TRIM9: variants seen among roughly 807,000 people sequenced by gnomAD.
TRIM9 encodes the protein E3 ubiquitin-protein ligase TRIM9.
A neutral mutation model predicts 78.3 loss-of-function variants in TRIM9; 26 were observed. That is an observed-to-expected ratio of 0.33 (90% CI 0.24 to 0.46). The LOEUF (loss-of-function observed/expected upper bound fraction) is 0.46, where lower values mean the gene tolerates loss of function less well. Ranked by LOEUF, TRIM9 falls within the 20% of genes least tolerant of loss-of-function variation. The pLI, the probability that TRIM9 is intolerant of heterozygous loss-of-function variation, is 1.00. For missense variants in TRIM9, 787 were observed against 1,036.4 expected (o/e 0.76, Z 3.30); for synonymous variants, 398 against 416.5 (o/e 0.96, Z 0.54).
At chr14:51,006,034 G>A (rs1039379811) in intron 5 of TRIM9, among the ~76,000 whole-genome samples, 7 of 152,082 alleles carry the variant, frequency 4.6e-5, no homozygotes, top group South Asian at 2.1e-4. Flanking sequence ...CAAAAACAAC[G>A]GCAACAACAA....
At chr14:50,980,347 C>T (rs759126335) in intron 11 of TRIM9, among the ~76,000 whole-genome samples, 3 of 152,104 alleles carry the variant, frequency 2.0e-5, no homozygotes, top group Non-Finnish European at 4.4e-5. Flanking sequence ...TAAAAATGGA[C>T]GATCAGATTT....
intron 1 of TRIM9, among the ~76,000 whole-genome samples, chr14:51,059,752 C>T (rs1287657959): frequency 6.7e-6 from 1 of 149,094 alleles, no homozygotes; most frequent in Non-Finnish European, 1.5e-5. Context: ...GAGCCAAGAT[C>T]GTGCCACTGC....
chr14:51,065,710 T>C (rs993615974), intron 1 of TRIM9, among the ~76,000 whole-genome samples: 18 of 152,206 alleles, frequency 1.2e-4, no homozygotes, highest in African/African-American at 4.3e-4. Context: ...CATGAGATTT[T>C]AAGACAGCAT....
chr14:51,091,607 G>A (rs917762035), intron 1 of TRIM9, among the ~76,000 whole-genome samples: 1 of 152,180 alleles, frequency 6.6e-6, no homozygotes, highest in Non-Finnish European at 1.5e-5. Flanking sequence ...TAAGGTGGGG[G>A]AGTAATGTTT....
At chr14:50,996,207 A>G (rs974927949) in intron 7 of TRIM9, 2 of 985,174 alleles carry the variant, frequency 2.0e-6, no homozygotes, top group African/African-American at 3.5e-5. Flanking sequence ...AATATATAAA[A>G]TTCATGGAGG....
At chr14:51,035,461 T>C (rs527504063) in intron 1 of TRIM9, among the ~76,000 whole-genome samples, 1 of 152,358 alleles carries the variant, frequency 6.6e-6, no homozygotes, top group African/African-American at 2.4e-5. Flanking sequence ...CTTTAATACA[T>C]ACATTTCTAA....
chr14:51,034,269 C>T (rs2058964764), intron 1 of TRIM9, among the ~76,000 whole-genome samples: 2 of 152,118 alleles, frequency 1.3e-5, no homozygotes, highest in African/African-American at 4.8e-5. Context: ...ACTCTATGTG[C>T]CAGGACCACT....
rs147245347 is a variant in TRIM9, at chr14:50,975,743, G to A, written c.*1548C>T. On this transcript the variant is annotated 3_prime_UTR_variant, in exon 13 of 13. Coordinates refer to ENST00000684578, the MANE Select transcript of TRIM9 (RefSeq NM_001387360.1). Reference sequence around the variant, plus strand: ...CTTGTTTTTTCATGGTGAATTTCTTGGCTCACTGAAAAATATTTAGACAAC... The same window carrying A: ...CTTGTTTTTTCATGGTGAATTTCTTAGCTCACTGAAAAATATTTAGACAAC... 7 of 152,474 alleles carry A rather than the reference G, an allele frequency of 4.6e-5. No individual in the cohort carries two copies. Among genetic ancestry groups the A allele is most frequent in the Admixed American group, 4.6e-4 (7 of 15,250 alleles). 9.4% of individuals were successfully genotyped at this position (152,474 alleles called of 1,614,324 possible).
chr14:51,075,847 C>A (rs2062730992), intron 1 of TRIM9, among the ~76,000 whole-genome samples: 1 of 152,138 alleles, frequency 6.6e-6, no homozygotes, highest in African/African-American at 2.4e-5. Context: ...GTAAAACCCA[C>A]TGAATGCAAA....
At chr14:51,014,047 G>GAAGTCC (rs2056879243) in intron 3 of TRIM9, among the ~76,000 whole-genome samples, 1 of 152,132 alleles carries the variant, frequency 6.6e-6, no homozygotes, top group Non-Finnish European at 1.5e-5. Flanking sequence ...CGAATAATAA[G>GAAGTCC]GACAGATCAA....
Position 51,094,316 on chromosome 14 carries a change from G to C in TRIM9, c.624C>G (p.Arg208=). The C allele has an allele frequency of 1.2e-6, 2 of 1,613,614 alleles. No individual in the cohort carries two copies. Among genetic ancestry groups the C allele is most frequent in the Non-Finnish European group, 1.7e-6 (2 of 1,179,804 alleles). ...HPPRGPLAKH[R]LVPPAQGRVS... ...CACGACCCTGGGCCGGGGGCACCAGGCGGTGCTTGGCTAGGGGCCCCCGGG... is the reference window on the plus strand; with the variant it reads ...CACGACCCTGGGCCGGGGGCACCAGCCGGTGCTTGGCTAGGGGCCCCCGGG... The change falls in exon 1 of 13, where the codon CGC becomes CGG. Residue 208 remains arginine (R), a synonymous_variant. Coordinates refer to ENST00000684578, the MANE Select transcript of TRIM9 (RefSeq NM_001387360.1).
At chr14:51,064,926 G>A (rs1213922424) in intron 1 of TRIM9, among the ~76,000 whole-genome samples, 2 of 151,902 alleles carry the variant, frequency 1.3e-5, no homozygotes, top group African/African-American at 4.8e-5. Context: ...CATAAATAAA[G>A]CTTAAGGCAC....
intron 3 of TRIM9, among the ~76,000 whole-genome samples, chr14:51,014,655 C>G (rs10137286): frequency 0.46 from 70,188 of 152,038 alleles, 16,805 homozygotes; most frequent in Middle Eastern, 0.6. Flanking sequence ...AATACTTTCT[C>G]TCTAGTTGTC....
chr14:51,010,297 C>T, intron 4 of TRIM9, 87 bp downstream of exon 4: 2 of 1,045,684 alleles, frequency 1.9e-6, no homozygotes, highest in East Asian at 2.4e-5. Context: ...CAGGCCCACC[C>T]AGGGCTGTTG....
intron 8 of TRIM9, 55 bp downstream of exon 8, chr14:50,985,901 G>C: frequency 1.5e-6 from 2 of 1,353,654 alleles, no homozygotes; most frequent in Non-Finnish European, 1.9e-6. Context: ...ACGCGTTTCA[G>C]AGATGCCTTC....
intron 7 of TRIM9, among the ~76,000 whole-genome samples, chr14:50,988,124 G>A (rs971723751): frequency 3.3e-5 from 5 of 152,118 alleles, no homozygotes; most frequent in East Asian, 3.8e-4. Context: ...TTATTAACAA[G>A]AATTTGCTTG....
At chr14:51,018,203 T>C (rs1174436842) in intron 3 of TRIM9, among the ~76,000 whole-genome samples, 1 of 152,192 alleles carries the variant, frequency 6.6e-6, no homozygotes, top group Admixed American at 6.5e-5. Context: ...GCTTTTTTTT[T>C]CTAGTAATGA....
chr14:50,997,661 A>G, intron 7 of TRIM9: 6 of 1,092,634 alleles, frequency 5.5e-6, no homozygotes, highest in Non-Finnish European at 6.7e-6. Context: ...AGAGTAATTT[A>G]GAATCATCTG....
chr14:51,071,623 T>C (rs2062273912), intron 1 of TRIM9, among the ~76,000 whole-genome samples: 1 of 151,546 alleles, frequency 6.6e-6, no homozygotes, highest in Non-Finnish European at 1.5e-5. Context: ...GGCAACACAG[T>C]GAGACTTTGT....
Sources: gnomAD v4.1 joint callset for allele counts (sites outside exome capture counted in the v4.1 genomes callset) on GRCh38, gnomAD v4.1.1 for gene constraint, MANE v1.5 for transcripts, NCBI Gene and HGNC (gene_info 2026-07-23, HGNC 2026-07-21) for gene names.